Variants in ANKRD31 observed in about 807,000 individuals in gnomAD.
ANKRD31 encodes ankyrin repeat domain-containing protein 31.
In ANKRD31, 147 loss-of-function variants were observed where a neutral mutation model predicts 186.0. The ratio of observed to expected loss-of-function variants is 0.79; its 90% CI spans 0.69 to 0.91. ANKRD31 has a LOEUF of 0.91. ANKRD31 is among the 40% of genes least tolerant of loss of function. ANKRD31 has a pLI of 0.00. For synonymous variants in ANKRD31, 673 were observed against 736.4 expected (o/e 0.91, Z 1.39); for missense variants, 1,986 against 2,148.8 (o/e 0.92, Z 1.50).
chr5:75,204,993 G>A (rs1009455915), intron 5 of ANKRD31, among the ~76,000 whole-genome samples: 5 of 152,126 alleles, frequency 3.3e-5, no homozygotes, highest in Non-Finnish European at 2.9e-5. Context: ...CCGCCTCAGC[G>A]CAGCTGAGAC....
Position 75,118,282 on chromosome 5 carries a change from G to GGGT in ANKRD31, c.3891_3892insACC (p.Leu1297_Leu1298insThr). 6.7e-7 allele frequency: 1 copy of GGGT among 1,498,152 alleles called. No individual in the cohort carries two copies. The allele number at this position is 1,498,152 out of a possible 1,614,324, so 92.8% of individuals were successfully genotyped here. A position where few individuals can be genotyped will look rare whatever the true frequency, so the allele number is the denominator to read the frequency against. On this transcript the variant is annotated inframe_insertion, in exon 18 of 26. Coordinates refer to ENST00000506364, the MANE Select transcript of ANKRD31 (RefSeq NM_001372053.1). ...TGATTAGGGTTTGCTCCATTTTGTA[G>GGGT]TAGAATCTCAGCTGCCTACAAAGTA...
intron 17 of ANKRD31, among the ~76,000 whole-genome samples, chr5:75,133,892 GA>G (rs1366127376): frequency 4.6e-5 from 7 of 152,078 alleles, no homozygotes; most frequent in African/African-American, 1.7e-4. Context: ...CATGGAAACT[GA>G]ACAACCTGCT....
chr5:75,205,256 C>T (rs577265241), intron 5 of ANKRD31, among the ~76,000 whole-genome samples: 1 of 152,250 alleles, frequency 6.6e-6, no homozygotes, highest in Non-Finnish European at 1.5e-5. Context: ...TCATTATGAA[C>T]TCATGGTCTT....
At chr5:75,187,681 T>A (rs545084371) in intron 10 of ANKRD31, among the ~76,000 whole-genome samples, 1 of 152,232 alleles carries the variant, frequency 6.6e-6, no homozygotes, top group East Asian at 1.9e-4. Context: ...GGGTATGACA[T>A]TTAAAATAAT....
intron 22 of ANKRD31, among the ~76,000 whole-genome samples, chr5:75,101,692 G>C (rs1746894996): frequency 6.6e-6 from 1 of 152,010 alleles, no homozygotes; most frequent in Non-Finnish European, 1.5e-5. Flanking sequence ...TTCAATCACT[G>C]ATATCTTTTT....
chr5:75,190,162 G>A (rs1015988045), intron 9 of ANKRD31, among the ~76,000 whole-genome samples: 2 of 151,910 alleles, frequency 1.3e-5, no homozygotes, highest in African/African-American at 2.4e-5. Context: ...TGGGACTACA[G>A]GCACATACCA....
intron 17 of ANKRD31, among the ~76,000 whole-genome samples, chr5:75,132,197 G>A (rs1342635252): frequency 6.6e-6 from 1 of 152,188 alleles, no homozygotes; most frequent in African/African-American, 2.4e-5. Flanking sequence ...GGCTTCAGAC[G>A]ATCGGTAAGA....
chr5:75,112,621 A>G, intron 19 of ANKRD31, 21 bp from the exon 20 acceptor site: 1 of 1,428,694 alleles, frequency 7.0e-7, no homozygotes, highest in Non-Finnish European at 9.4e-7. Flanking sequence ...AAAATATTTG[A>G]AACTTCATTA....
intron 22 of ANKRD31, among the ~76,000 whole-genome samples, chr5:75,103,171 T>C (rs895266850): frequency 6.6e-6 from 1 of 152,182 alleles, no homozygotes; most frequent in Non-Finnish European, 1.5e-5. Flanking sequence ...ATTTATTAAA[T>C]AGGGAATCAT....
At chr5:75,125,074 T>C (rs1403595651) in intron 17 of ANKRD31, among the ~76,000 whole-genome samples, 2 of 152,174 alleles carry the variant, frequency 1.3e-5, no homozygotes, top group African/African-American at 2.4e-5. Context: ...CATCTCTAAC[T>C]TCATTTTTAT....
chr5:75,139,010 A>C lies in ANKRD31; in HGVS notation c.3596-27T>G, dbSNP rs762587181. On this transcript the variant is annotated intron_variant, in intron 15 of 25. Coordinates refer to ENST00000506364, the MANE Select transcript of ANKRD31 (RefSeq NM_001372053.1). Reference sequence around the variant, plus strand: ...TGTAAATTTGCCAAACAAGAGGTTTATTTTCTGCCAAATGCTGATTGTTAT... The same window carrying C: ...TGTAAATTTGCCAAACAAGAGGTTTCTTTTCTGCCAAATGCTGATTGTTAT... The C allele has an allele frequency of 1.2e-5, 18 of 1,534,402 alleles. No individual in the cohort carries two copies. The East Asian group carries it at 1.2e-4, about 10-fold the overall frequency.
At chr5:75,197,428 G>A (rs139498717) in intron 6 of ANKRD31, among the ~76,000 whole-genome samples, 1 of 152,204 alleles carries the variant, frequency 6.6e-6, no homozygotes, top group Non-Finnish European at 1.5e-5. Context: ...GCTGTAATTT[G>A]TAAGCCTTCT....
chr5:75,151,549 C>A (rs912759972), intron 12 of ANKRD31, among the ~76,000 whole-genome samples: 1 of 152,042 alleles, frequency 6.6e-6, no homozygotes, highest in African/African-American at 2.4e-5. Context: ...TCACTTCCAC[C>A]ATGATTGTAA....
chr5:75,114,773 G>T (rs946269434), intron 19 of ANKRD31, among the ~76,000 whole-genome samples: 5 of 152,134 alleles, frequency 3.3e-5, no homozygotes, highest in Non-Finnish European at 5.9e-5. Context: ...CAAACAAATG[G>T]AAGAACATTC....
intron 4 of ANKRD31, among the ~76,000 whole-genome samples, chr5:75,206,782 G>A (rs1756281744): frequency 6.6e-6 from 1 of 152,094 alleles, no homozygotes; most frequent in South Asian, 2.1e-4. Flanking sequence ...TTGCCAAATA[G>A]GGGCAGGAAG....
intron 23 of ANKRD31, among the ~76,000 whole-genome samples, chr5:75,090,991 A>G (rs1046711594): frequency 6.6e-6 from 1 of 152,210 alleles, no homozygotes; most frequent in Admixed American, 6.5e-5. Context: ...AAGTTCTGAG[A>G]CTAGATAAGG....
chr5:75,185,185 T>C (rs1045509267), intron 10 of ANKRD31, among the ~76,000 whole-genome samples: 1 of 152,144 alleles, frequency 6.6e-6, no homozygotes, highest in East Asian at 1.9e-4. Context: ...GTGAATAGAA[T>C]AGTGGTTACT....
At chr5:75,154,085 G>T in intron 12 of ANKRD31, 116 bp downstream of exon 12, 1 of 1,017,700 alleles carries the variant, frequency 9.8e-7, no homozygotes, top group Non-Finnish European at 1.3e-6. Context: ...AGACACTATT[G>T]GATGGATTTT....
intron 1 of ANKRD31, among the ~76,000 whole-genome samples, chr5:75,233,054 A>C (rs1224616416): frequency 7.1e-6 from 1 of 140,912 alleles, no homozygotes; most frequent in East Asian, 2.0e-4. Context: ...TCTTTTTTTA[A>C]TTTTTTCTTT....
Sources: gnomAD v4.1 joint callset for allele counts (sites outside exome capture counted in the v4.1 genomes callset) on GRCh38, gnomAD v4.1.1 for gene constraint, MANE v1.5 for transcripts, NCBI Gene and HGNC (gene_info 2026-07-23, HGNC 2026-07-21) for gene names.